The following REV1 variants were observed in gnomAD, a reference collection of about 807,000 sequenced individuals.
REV1 encodes REV1 DNA directed polymerase, also known as translesion synthesis protein REV1.
REV1 carries 42 observed loss-of-function variants against 137.4 expected under a neutral mutation model. The ratio of observed to expected loss-of-function variants is 0.31; its 90% CI spans 0.24 to 0.40. REV1 has a LOEUF of 0.40. Ranked by LOEUF, REV1 falls within the 10% of genes least tolerant of loss-of-function variation. The probability of loss-of-function intolerance (pLI) is 1.00; values close to 1 mark genes in which losing one functional copy is unlikely to be tolerated. For missense variants in REV1, 1,282 were observed against 1,490.1 expected (o/e 0.86, Z 2.30); for synonymous variants, 524 against 519.2 (o/e 1.01, Z -0.12).
intron 8 of REV1, among the ~76,000 whole-genome samples, chr2:99,431,138 A>G (rs6542879): frequency 0.61 from 93,347 of 152,020 alleles, 29,460 homozygotes; most frequent in African/African-American, 0.74. Context: ...GGTTTGACCA[A>G]TAATCATCAG....
intron 4 of REV1, among the ~76,000 whole-genome samples, chr2:99,445,818 A>G (rs1646005193): frequency 6.6e-6 from 1 of 152,218 alleles, no homozygotes; most frequent in Non-Finnish European, 1.5e-5. Context: ...CCATGCCTAC[A>G]TTAACTCAGA....
At chr2:99,463,451 G>A (rs936660317) in intron 2 of REV1, among the ~76,000 whole-genome samples, 4 of 152,096 alleles carry the variant, frequency 2.6e-5, no homozygotes, top group African/African-American at 9.7e-5. Context: ...CCCAGAAGGT[G>A]GAGGTTGCAA....
chr2:99,478,387 G>C (rs1345404795), intron 1 of REV1, among the ~76,000 whole-genome samples: 2 of 152,096 alleles, frequency 1.3e-5, no homozygotes, highest in East Asian at 3.8e-4. Flanking sequence ...ATCTCCACTA[G>C]GATGTTCTAC....
chr2:99,425,682 A>T (rs540258357), intron 9 of REV1, among the ~76,000 whole-genome samples: 34 of 152,242 alleles, frequency 2.2e-4, no homozygotes, highest in African/African-American at 7.7e-4. Flanking sequence ...ATTATGCCAG[A>T]TATATAGATT....
At chr2:99,404,365 G>C in intron 18 of REV1, 79 bp downstream of exon 18, 1 of 1,177,950 alleles carries the variant, frequency 8.5e-7, no homozygotes, top group Non-Finnish European at 1.3e-6. Context: ...AGGAGAAAGG[G>C]AAGTGAGACA....
At chr2:99,424,713 A>C in intron 9 of REV1, 2 of 1,270,758 alleles carry the variant, frequency 1.6e-6, no homozygotes, top group Non-Finnish European at 2.1e-6. Flanking sequence ...GAATATAAAC[A>C]AAAGAACTAC....
intron 3 of REV1, chr2:99,451,276 C>T: frequency 1.0e-6 from 1 of 964,024 alleles, no homozygotes; most frequent in Non-Finnish European, 1.3e-6. Flanking sequence ...AAACGGCTGT[C>T]CTTTACCGAA....
At chr2:99,462,777 G>C in intron 2 of REV1, 155 bp from the exon 3 acceptor site, 1 of 727,872 alleles carries the variant, frequency 1.4e-6, no homozygotes, top group Non-Finnish European at 2.2e-6. Flanking sequence ...AAACCATAAG[G>C]CAAGGCAATA....
chr2:99,450,922 A>G (rs957781514), intron 3 of REV1, among the ~76,000 whole-genome samples: 1 of 152,194 alleles, frequency 6.6e-6, no homozygotes. Flanking sequence ...ATACAAAGAG[A>G]TTTAAAAGCA....
chr2:99,489,304 C>G (rs1245236112), intron 1 of REV1, among the ~76,000 whole-genome samples: 1 of 152,154 alleles, frequency 6.6e-6, no homozygotes, highest in Non-Finnish European at 1.5e-5. Flanking sequence ...AACGCTGTGG[C>G]TGGAGTGCGG....
intron 2 of REV1, among the ~76,000 whole-genome samples, chr2:99,464,229 G>C (rs928649620): frequency 6.6e-6 from 1 of 152,128 alleles, no homozygotes; most frequent in African/African-American, 2.4e-5. Flanking sequence ...AATTAAGCTT[G>C]ATTTCAATTA....
intron 3 of REV1, among the ~76,000 whole-genome samples, chr2:99,454,994 C>G (rs531578312): frequency 6.6e-6 from 1 of 152,166 alleles, no homozygotes; most frequent in African/African-American, 2.4e-5. Flanking sequence ...ACCACTTTCA[C>G]GTCTGTAGGC....
rs1264667935 is a variant in REV1 at position 99,412,793 on chromosome 2, G to C, written c.2110C>G (p.Arg704Gly). 6.2e-7 allele frequency: 1 copy of C among 1,613,842 alleles called. No individual in the cohort carries two copies. Among genetic ancestry groups the C allele is most frequent in the African/African-American group, 1.3e-5 (1 of 74,848 alleles). Residue 704 changes from arginine (R) to glycine (G), a missense_variant, in exon 13 of 23, where the codon CGA (arginine) becomes GGA (glycine). Arg to Gly is a moderately radical substitution (Grantham distance 125, BLOSUM62 -2). Transcript: ENST00000258428. The part of the protein sequence containing the change: ...FCRGLDDRPV[R>G]TEKERKSVSA... ...ACAGATTTTCTTTCCTTTTCAGTTC[G>C]AACTGGTCTATCATCCAAGCCACGG... is the stretch of plus-strand genomic sequence containing the variant.
At chr2:99,417,869 A>G (rs7597141) in intron 12 of REV1, among the ~76,000 whole-genome samples, 64,498 of 152,106 alleles carry the variant, frequency 0.42, 13,924 homozygotes, top group Admixed American at 0.57. Flanking sequence ...AAAAATGTTT[A>G]AACTGTGTTG....
chr2:99,442,336 T>C lies in REV1; in HGVS notation c.484A>G (p.Lys162Glu). 1.2e-6 allele frequency: 2 copies of C among 1,612,950 alleles called. No individual in the cohort carries two copies. Among genetic ancestry groups the C allele is most frequent in the African/African-American group, 2.7e-5 (2 of 74,752 alleles). The change falls in exon 5 of 23, where the codon AAA becomes GAA. Residue 162 changes from lysine (K) to glutamate (E), a missense_variant. Physicochemically the swap from Lys to Glu is moderately conservative, Grantham distance 56 (BLOSUM62 1). Coordinates refer to ENST00000258428, the MANE Select transcript of REV1 (RefSeq NM_016316.4). ...DPLPGPSNIA[K>E]QLNNRVNHIV... ...ACTTACACCCTGTTGTTGAGCTGTTTGGCTATATTGCTTGGACCTGGCAGA... is the reference window on the plus strand; with the variant it reads ...ACTTACACCCTGTTGTTGAGCTGTTCGGCTATATTGCTTGGACCTGGCAGA...
intron 1 of REV1, among the ~76,000 whole-genome samples, chr2:99,482,434 T>C (rs1342093670): frequency 2.0e-5 from 3 of 152,208 alleles, no homozygotes; most frequent in East Asian, 3.9e-4. Context: ...ACTCCGAAAG[T>C]TGTAGCCAGT....
intron 1 of REV1, among the ~76,000 whole-genome samples, chr2:99,479,783 AATAAT>A (rs1389651990): frequency 8.1e-5 from 2 of 24,600 alleles, no homozygotes; most frequent in African/African-American, 3.0e-4. Flanking sequence ...AAGTAAAAAT[AATAAT>A]AATAATAATA....
intron 2 of REV1, among the ~76,000 whole-genome samples, chr2:99,463,010 C>T (rs925355725): frequency 4.0e-5 from 6 of 151,772 alleles, no homozygotes; most frequent in Non-Finnish European, 7.4e-5. Context: ...ATTGCCTGAA[C>T]CCAGGAGGTG....
chr2:99,433,206 A>G (rs1680332939), intron 8 of REV1, among the ~76,000 whole-genome samples: 2 of 152,198 alleles, frequency 1.3e-5, no homozygotes, highest in African/African-American at 4.8e-5. Flanking sequence ...CACAAAAACC[A>G]TACTACCAAT....
Sources: gnomAD v4.1 joint callset for allele counts (sites outside exome capture counted in the v4.1 genomes callset) on GRCh38, gnomAD v4.1.1 for gene constraint, MANE v1.5 for transcripts, NCBI Gene and HGNC (gene_info 2026-07-23, HGNC 2026-07-21) for gene names.